RIT2: variants seen among roughly 807,000 people sequenced by gnomAD.
RIT2 encodes the protein Ras like without CAAX 2.
In RIT2, 24 loss-of-function variants were observed where a neutral mutation model predicts 23.7. The ratio of observed to expected loss-of-function variants is 1.01; its 90% CI spans 0.73 to 1.43. The LOEUF is 1.43. RIT2 is among the 40% of genes most tolerant of loss of function. RIT2 has a pLI of 0.00. For missense variants in RIT2, 236 were observed against 266.9 expected (o/e 0.88, Z 0.81); for synonymous variants, 107 against 91.1 (o/e 1.17, Z -0.99).
intron 4 of RIT2, among the ~76,000 whole-genome samples, chr18:42,758,915 G>A (rs1374969567): frequency 6.6e-6 from 1 of 152,040 alleles, no homozygotes; most frequent in Non-Finnish European, 1.5e-5. Flanking sequence ...CCTTGATTCT[G>A]ACCAGGACTT....
Position 43,036,924 on chromosome 18 carries a change from T to A in RIT2, c.104-3057A>T, listed in dbSNP as rs114546901. ...CAACCTGTTATCACACTGGAGAGAA[T>A]CTGCTATCAGTCAGACTGGAGATTA... On this transcript the variant is annotated intron_variant, in intron 1 of 4. Coordinates refer to ENST00000326695, the MANE Select transcript of RIT2 (RefSeq NM_002930.4). Among the ~76,000 whole-genome samples the A allele has an allele frequency of 4.1e-3, 620 of 152,336 alleles. 3 individuals carry two copies. The highest frequency in any genetic ancestry group is 0.013 in the African/African-American group (534 of 41,576).
At chr18:43,027,688 T>C (rs936117853) in intron 2 of RIT2, among the ~76,000 whole-genome samples, 3 of 151,948 alleles carry the variant, frequency 2.0e-5, no homozygotes, top group African/African-American at 7.2e-5. Flanking sequence ...AGAAATTGAG[T>C]AGTCTACGAC....
chr18:42,784,941 C>T (rs1913891582), intron 4 of RIT2, among the ~76,000 whole-genome samples: 1 of 151,936 alleles, frequency 6.6e-6, no homozygotes, highest in Admixed American at 6.6e-5. Flanking sequence ...TTTACAAGTT[C>T]CATATAAAAA....
chr18:42,799,099 A>G (rs1168726222), intron 4 of RIT2, among the ~76,000 whole-genome samples: 1 of 152,222 alleles, frequency 6.6e-6, no homozygotes, highest in Non-Finnish European at 1.5e-5. Context: ...ATTATTCTGA[A>G]AAATAAATAG....
At chr18:42,803,300 C>T (rs1905592528) in intron 4 of RIT2, among the ~76,000 whole-genome samples, 1 of 152,052 alleles carries the variant, frequency 6.6e-6, no homozygotes, top group South Asian at 2.1e-4. Flanking sequence ...AACTTAGATC[C>T]ACCTTATTTA....
chr18:42,787,933 ATAAAT>A lies in RIT2; in HGVS notation c.427-44218_427-44214del, dbSNP rs1240212877. ...ATTAAAATGTATTCGTTTATTTAAAATAAATTTATTTTAATTTAGTAAAATTTAAC... is the reference window on the plus strand; with the variant it reads ...ATTAAAATGTATTCGTTTATTTAAAATTATTTTAATTTAGTAAAATTTAAC... On this transcript the variant is annotated intron_variant, in intron 4 of 4. Coordinates refer to ENST00000326695, the MANE Select transcript of RIT2 (RefSeq NM_002930.4). 3.3e-5 allele frequency among the ~76,000 whole-genome samples: 5 copies of A among 151,908 alleles called. No individual in the cohort carries two copies. The East Asian group carries it at 9.6e-4, about 29-fold the overall frequency.
intron 3 of RIT2, among the ~76,000 whole-genome samples, chr18:42,949,881 C>T (rs941997535): frequency 6.6e-6 from 1 of 152,022 alleles, no homozygotes; most frequent in Non-Finnish European, 1.5e-5. Flanking sequence ...ATTTTTAGGG[C>T]TTGGATGTTA....
At chr18:42,890,532 G>T (rs1430118093) in intron 4 of RIT2, among the ~76,000 whole-genome samples, 6 of 151,470 alleles carry the variant, frequency 4.0e-5, no homozygotes, top group Admixed American at 1.3e-4. Context: ...AAGGAAGGAG[G>T]ATGAAAGGAA....
At position 43,091,165 on chromosome 18, in the gene RIT2, T is replaced by C. The variant is rs951926109; in HGVS notation, c.103+24252A>G. ...ATTTACTATTCATTTTAATATATATTATATATTTCATTTACTATTTATTTA... is the reference window on the plus strand; with the variant it reads ...ATTTACTATTCATTTTAATATATATCATATATTTCATTTACTATTTATTTA... On this transcript the variant is annotated intron_variant, in intron 1 of 4. Transcript: ENST00000326695. Among the ~76,000 whole-genome samples the C allele has an allele frequency of 1.3e-4, 19 of 151,752 alleles. 1 individual carries two copies. The South Asian group carries it at 3.3e-3, about 27-fold the overall frequency.
intron 4 of RIT2, among the ~76,000 whole-genome samples, chr18:42,752,815 C>A (rs182304486): frequency 6.6e-6 from 1 of 152,148 alleles, no homozygotes; most frequent in Admixed American, 6.5e-5. Context: ...GCAATTGATG[C>A]AGATATCATT....
intron 1 of RIT2, among the ~76,000 whole-genome samples, chr18:43,037,109 T>C (rs913990142): frequency 2.0e-5 from 3 of 152,216 alleles, no homozygotes; most frequent in Non-Finnish European, 4.4e-5. Flanking sequence ...CTTAATACAT[T>C]GGTTCTAAAA....
intron 4 of RIT2, among the ~76,000 whole-genome samples, chr18:42,761,102 T>C (rs1481877925): frequency 6.6e-6 from 1 of 152,244 alleles, no homozygotes; most frequent in Non-Finnish European, 1.5e-5. Context: ...CTCTTCAATC[T>C]GTTGAGAGAC....
intron 4 of RIT2, among the ~76,000 whole-genome samples, chr18:42,912,795 C>T (rs1246148720): frequency 4.0e-5 from 6 of 151,814 alleles, no homozygotes; most frequent in Admixed American, 2.0e-4. Context: ...CTTGGAAAAA[C>T]ATATTCATGG....
At chr18:42,978,590 T>C (rs1239707111) in intron 2 of RIT2, among the ~76,000 whole-genome samples, 1 of 152,274 alleles carries the variant, frequency 6.6e-6, no homozygotes, top group Admixed American at 6.5e-5. Context: ...TGAGGCCAAA[T>C]GTATACAAAG....
chr18:43,095,143 C>T (rs771429150), intron 1 of RIT2, among the ~76,000 whole-genome samples: 163 of 151,932 alleles, frequency 1.1e-3, no homozygotes, highest in Non-Finnish European at 1.9e-3. Context: ...CCACACTGTC[C>T]TCCACAATGG....
Position 42,927,544 on chromosome 18 carries a change from C to T in RIT2, c.235-3781G>A, listed in dbSNP as rs568014062. 7.2e-5 allele frequency among the ~76,000 whole-genome samples: 11 copies of T among 151,920 alleles called. No individual in the cohort carries two copies. The South Asian group carries it at 1.7e-3, about 23-fold the overall frequency. On this transcript the variant is annotated intron_variant, in intron 3 of 4. Coordinates refer to ENST00000326695, the MANE Select transcript of RIT2 (RefSeq NM_002930.4). The stretch of plus-strand genomic sequence containing the variant: ...AATGCTGTGTTCAACATGTTGCTTC[C>T]GTCTTCATTCACCTGTGAATTAAAG...
chr18:42,900,899 C>T lies in RIT2; in HGVS notation c.426+22673G>A, dbSNP rs551220114. 6.6e-5 allele frequency among the ~76,000 whole-genome samples: 10 copies of T among 152,170 alleles called. No homozygotes were observed. In the South Asian group the frequency reaches 2.1e-3, roughly 32 times the overall value. On this transcript the variant is annotated intron_variant, in intron 4 of 4. Coordinates refer to ENST00000326695, the MANE Select transcript of RIT2 (RefSeq NM_002930.4). The stretch of plus-strand genomic sequence containing the variant: ...CTCTCAAAGTGTGAAACACAGAACT[C>T]CAGGCATTACCAAGACTCTTTTAGG...
intron 1 of RIT2, among the ~76,000 whole-genome samples, chr18:43,054,973 G>T (rs1209984080): frequency 6.6e-6 from 1 of 151,992 alleles, no homozygotes; most frequent in Non-Finnish European, 1.5e-5. Context: ...TTATAGCTGT[G>T]CATTGGATTC....
intron 4 of RIT2, among the ~76,000 whole-genome samples, chr18:42,749,153 T>C (rs995327260): frequency 6.6e-6 from 1 of 151,896 alleles, no homozygotes; most frequent in African/African-American, 2.4e-5. Flanking sequence ...ATAAATGAAA[T>C]TGATCTAGAA....
Sources: gnomAD v4.1 joint callset for allele counts (sites outside exome capture counted in the v4.1 genomes callset) on GRCh38, gnomAD v4.1.1 for gene constraint, MANE v1.5 for transcripts, NCBI Gene and HGNC (gene_info 2026-07-23, HGNC 2026-07-21) for gene names.